Variants in VPS41 observed in about 807,000 individuals in gnomAD.
VPS41 encodes vacuolar protein sorting-associated protein 41 homolog.
Under a neutral mutation model 130.9 loss-of-function variants are expected in VPS41, and 85 were observed. The ratio of observed to expected loss-of-function variants is 0.65; its 90% CI spans 0.55 to 0.78. VPS41 has a LOEUF of 0.78. Ranked by LOEUF, VPS41 falls within the 30% of genes least tolerant of loss-of-function variation. The pLI, the probability that VPS41 is intolerant of heterozygous loss-of-function variation, is 0.00. For missense variants in VPS41, 874 were observed against 1,018.7 expected (o/e 0.86, Z 1.93); for synonymous variants, 335 against 332.9 (o/e 1.01, Z -0.07).
chr7:38,831,784 T>A (rs1357793951), intron 4 of VPS41, among the ~76,000 whole-genome samples: 1 of 152,248 alleles, frequency 6.6e-6, no homozygotes, highest in East Asian at 1.9e-4. Flanking sequence ...CAAGAATTTA[T>A]GTGAGTGGTC....
At chr7:38,801,551 A>G (rs1784725937) in intron 7 of VPS41, among the ~76,000 whole-genome samples, 1 of 152,224 alleles carries the variant, frequency 6.6e-6, no homozygotes, top group Admixed American at 6.5e-5. Context: ...TCATAAACAT[A>G]CTAAGGAAAG....
intron 14 of VPS41, among the ~76,000 whole-genome samples, chr7:38,769,331 A>T (rs1400281959): frequency 3.3e-5 from 5 of 152,226 alleles, no homozygotes; most frequent in Non-Finnish European, 7.3e-5. Flanking sequence ...AATGTATGAA[A>T]ATATAAATAC....
At chr7:38,739,498 T>C (rs750443164) in intron 25 of VPS41, among the ~76,000 whole-genome samples, 32 of 152,196 alleles carry the variant, frequency 2.1e-4, no homozygotes, top group Non-Finnish European at 2.9e-4. Flanking sequence ...ATAGGTTGCC[T>C]AGAGAAAGGA....
intron 21 of VPS41, among the ~76,000 whole-genome samples, chr7:38,754,270 G>C (rs1783743820): frequency 6.6e-6 from 1 of 152,156 alleles, no homozygotes; most frequent in South Asian, 2.1e-4. Context: ...GGAGAACTTG[G>C]TACAGTATCT....
chr7:38,765,768 C>G (rs1784028164), intron 15 of VPS41, 107 bp from the exon 16 acceptor site: 8 of 670,194 alleles, frequency 1.2e-5, no homozygotes, highest in Non-Finnish European at 2.0e-5. Flanking sequence ...AGAGAAATCT[C>G]TCTTCTCAGA....
chr7:38,798,177 C>T (rs1291431017), intron 7 of VPS41, among the ~76,000 whole-genome samples: 1 of 152,138 alleles, frequency 6.6e-6, no homozygotes, highest in African/African-American at 2.4e-5. Flanking sequence ...CTCCCATTTG[C>T]AGAAAACAGA....
In VPS41 at chr7:38,881,541, G is replaced by T. The variant is rs1786608740; in HGVS notation, c.61-12288C>A. Among the ~76,000 whole-genome samples the T allele has an allele frequency of 2.0e-5, 3 of 152,224 alleles. No homozygotes were observed. In the South Asian group the frequency reaches 6.2e-4, roughly 32 times the overall value. On this transcript the variant is annotated intron_variant, in intron 2 of 28. Coordinates refer to ENST00000310301, the MANE Select transcript of VPS41 (RefSeq NM_014396.4). ...GTTACAGAGAATAATATAAGGATCA[G>T]AGAGGATAAAAATGATGGTGAGCAA...
chr7:38,876,532 T>TAAA (rs375905927), intron 2 of VPS41, among the ~76,000 whole-genome samples: 1 of 152,006 alleles, frequency 6.6e-6, no homozygotes, highest in Admixed American at 6.6e-5. Context: ...AGATAGCAAA[T>TAAA]AAAAAAAATC....
chr7:38,814,537 C>T (rs1455272083), intron 7 of VPS41, among the ~76,000 whole-genome samples: 2 of 152,092 alleles, frequency 1.3e-5, no homozygotes, highest in Non-Finnish European at 2.9e-5. Flanking sequence ...GTAGTCCCAG[C>T]TACTCGGGAG....
At position 38,795,422 on chromosome 7, in the gene VPS41, A is replaced by C. The variant is rs1784600208; in HGVS notation, c.717+43T>G. 3 of 1,578,508 alleles carry C rather than the reference A, an allele frequency of 1.9e-6. No individual in the cohort carries two copies. In the Admixed American group the frequency reaches 5.3e-5, roughly 28 times the overall value. ...CAGTCCTTTGGACCACCCTCAGTGG[A>C]TCTATAACAACACGGACTTATTATA... On this transcript the variant is annotated intron_variant, in intron 9 of 28. Coordinates refer to ENST00000310301, the MANE Select transcript of VPS41 (RefSeq NM_014396.4).
At position 38,795,533 on chromosome 7, in the gene VPS41, T is replaced by C. The variant is rs1293930810; in HGVS notation, c.649A>G (p.Met217Val). 1.2e-6 allele frequency: 2 copies of C among 1,613,654 alleles called. No homozygotes were observed. Among genetic ancestry groups the C allele is most frequent in the South Asian group, 1.1e-5 (1 of 91,044 alleles). ...TTCCAGCAGAGGCTGCAGGGATACATGTCTGGGCGAAGACTTATATCATCC... is the reference window on the plus strand; with the variant it reads ...TTCCAGCAGAGGCTGCAGGGATACACGTCTGGGCGAAGACTTATATCATCC... Reference protein sequence around the residue: ...PRDDISLRPDMYPCSLCWKDN... With the variant: ...PRDDISLRPDVYPCSLCWKDN... The change falls in exon 9 of 29, where the codon ATG (methionine) becomes GTG (valine). Residue 217 changes from methionine to valine, a missense_variant. Met to Val is a conservative substitution (Grantham distance 21). Transcript: ENST00000310301.
chr7:38,794,611 T>C (rs1784587292), intron 9 of VPS41, among the ~76,000 whole-genome samples: 3 of 152,168 alleles, frequency 2.0e-5, no homozygotes, highest in South Asian at 4.1e-4. Context: ...TGAGAACAAT[T>C]AGCACTACCA....
chr7:38,825,045 A>G (rs1234214526), intron 5 of VPS41, among the ~76,000 whole-genome samples: 1 of 152,224 alleles, frequency 6.6e-6, no homozygotes, highest in Non-Finnish European at 1.5e-5. Flanking sequence ...AGGAATAAAC[A>G]AAAAAGAGAA....
In VPS41 at chr7:38,752,153, AAGTCGGGG is replaced by A. The variant is rs1339983718; in HGVS notation, c.1926+15_1926+22del. On this transcript the variant is annotated intron_variant, in intron 22 of 28. Transcript: ENST00000310301. ...GACAACCTCTTCATCCAAAGTGTACAAGTCGGGGAGTCTGTGCCTTACCTTTTCAAGTG... is the reference window on the plus strand; with the variant it reads ...GACAACCTCTTCATCCAAAGTGTACAAGTCTGTGCCTTACCTTTTCAAGTG... The A allele has an allele frequency of 6.2e-7, 1 of 1,613,130 alleles. No individual in the cohort carries two copies. The highest frequency in any genetic ancestry group is 1.3e-5 in the African/African-American group (1 of 74,862).
chr7:38,727,135 G>C (rs1795560731), intron 27 of VPS41, 147 bp from the exon 28 acceptor site: 2 of 588,454 alleles, frequency 3.4e-6, no homozygotes, highest in Non-Finnish European at 5.3e-6. Context: ...GCATTCCTGA[G>C]GGGTGGTATG....
Position 38,849,679 on chromosome 7 carries a change from G to C in VPS41, c.246+12866C>G, listed in dbSNP as rs142406983. Among the ~76,000 whole-genome samples, 533 of 152,282 alleles carry C rather than the reference G, an allele frequency of 3.5e-3. 7 individuals are homozygous for C. The highest frequency in any genetic ancestry group is 0.012 in the African/African-American group (500 of 41,558). ...ATGTGCTCCTCTCAACATCCCGCTT[G>C]TGTGTTCTTCTGCTGATGTGCTCCT... On this transcript the variant is annotated intron_variant, in intron 4 of 28. Transcript: ENST00000310301.
At chr7:38,765,544 G>A in intron 16 of VPS41, 36 bp downstream of exon 16, 1 of 1,365,226 alleles carries the variant, frequency 7.3e-7, no homozygotes, top group Non-Finnish European at 1.0e-6. Flanking sequence ...TATACTACTT[G>A]CAGAAACTGA....
At chr7:38,887,818 G>A (rs1426030613) in intron 2 of VPS41, among the ~76,000 whole-genome samples, 1 of 152,198 alleles carries the variant, frequency 6.6e-6, no homozygotes, top group East Asian at 1.9e-4. Context: ...CTATCAGACT[G>A]ACAGCAGGTC....
intron 8 of VPS41, chr7:38,796,464 C>T (rs1207947751): frequency 3.8e-6 from 2 of 532,472 alleles, no homozygotes; most frequent in Non-Finnish European, 7.2e-6. Flanking sequence ...CCAATGCAGT[C>T]CTTCAATTAT....
Sources: gnomAD v4.1 joint callset for allele counts (sites outside exome capture counted in the v4.1 genomes callset) on GRCh38, gnomAD v4.1.1 for gene constraint, MANE v1.5 for transcripts, NCBI Gene and HGNC (gene_info 2026-07-23, HGNC 2026-07-21) for gene names.